The following CALN1 variants were observed in gnomAD, a reference collection of about 807,000 sequenced individuals.
The protein encoded by CALN1 is calcium-binding protein 8.
A neutral mutation model predicts 30.6 loss-of-function variants in CALN1; 17 were observed. The ratio of observed to expected loss-of-function variants is 0.56; its 90% CI spans 0.38 to 0.83. The LOEUF is 0.83. Ranked by LOEUF, CALN1 falls within the 40% of genes least tolerant of loss-of-function variation. The pLI, the probability that CALN1 is intolerant of heterozygous loss-of-function variation, is 0.00. For missense variants in CALN1, 291 were observed against 354.9 expected, an observed-to-expected ratio of 0.82 and a Z score of 1.45; for synonymous variants, 156 against 131.4, an observed-to-expected ratio of 1.19 and a Z score of -1.28.
intron 2 of CALN1, among the ~76,000 whole-genome samples, chr7:72,319,558 C>T (rs1800726654): frequency 6.6e-6 from 1 of 152,102 alleles, no homozygotes; most frequent in African/African-American, 2.4e-5. Context: ...TATACACATA[C>T]ACACAATGGA....
chr7:71,862,578 G>C (rs911893630), intron 5 of CALN1, among the ~76,000 whole-genome samples: 3 of 152,120 alleles, frequency 2.0e-5, no homozygotes, highest in Non-Finnish European at 2.9e-5. Context: ...TTTCTTTTAT[G>C]AATTACCCAG....
chr7:71,824,159 G>A (rs1248234102), intron 5 of CALN1, among the ~76,000 whole-genome samples: 4 of 152,086 alleles, frequency 2.6e-5, no homozygotes, highest in Admixed American at 1.3e-4. Context: ...CAGGTGCCAG[G>A]CCTCTCTGTT....
chr7:71,838,141 A>G (rs186368281), intron 5 of CALN1, among the ~76,000 whole-genome samples: 1 of 152,326 alleles, frequency 6.6e-6, no homozygotes, highest in Admixed American at 6.5e-5. Flanking sequence ...TCCAGGAAGT[A>G]AAGTGCTCTT....
intron 5 of CALN1, among the ~76,000 whole-genome samples, chr7:71,910,599 C>G (rs1794376530): frequency 6.6e-6 from 1 of 152,146 alleles, no homozygotes; most frequent in Non-Finnish European, 1.5e-5. Context: ...AAGAAACTCA[C>G]TGAGTCTAGA....
intron 5 of CALN1, among the ~76,000 whole-genome samples, chr7:71,852,306 ATGTT>A (rs1011907290): frequency 6.6e-6 from 1 of 152,014 alleles, no homozygotes; most frequent in Non-Finnish European, 1.5e-5. Context: ...TAGGAGAAGA[ATGTT>A]TGGGTTAAAG....
intron 6 of CALN1, among the ~76,000 whole-genome samples, chr7:71,801,428 G>GTATGTATGTATGTATCTATC (rs1461292230): frequency 2.3e-4 from 20 of 87,724 alleles, no homozygotes; most frequent in Non-Finnish European, 2.7e-4. Context: ...ATGTATGTAT[G>GTATGTATGTATGTATCTATC]TATCTATCTA....
the CALN1 span, among the ~76,000 whole-genome samples, chr7:72,474,944 C>T: frequency 6.6e-6 from 1 of 152,270 alleles, no homozygotes; most frequent in South Asian, 2.1e-4. Context: ...TGGATTACTT[C>T]TGTGCTTACT....
intron 3 of CALN1, among the ~76,000 whole-genome samples, chr7:72,229,388 G>A (rs1030010428): frequency 2.6e-5 from 4 of 151,980 alleles, no homozygotes; most frequent in African/African-American, 9.7e-5. Flanking sequence ...GGAGGCTGAG[G>A]CAAGAGGATC....
At chr7:72,164,346 C>T (rs1382183801) in intron 3 of CALN1, among the ~76,000 whole-genome samples, 3 of 93,150 alleles carry the variant, frequency 3.2e-5, no homozygotes, top group East Asian at 9.2e-4. Flanking sequence ...AGCAACACTC[C>T]GTCAAAAAAA....
intron 5 of CALN1, among the ~76,000 whole-genome samples, chr7:71,896,639 T>G (rs184783260): frequency 1.5e-4 from 23 of 151,996 alleles, no homozygotes; most frequent in Admixed American, 1.4e-3. Context: ...CTCTTGAGTA[T>G]GAAAGGAAGG....
At chr7:72,005,398 G>C (rs2867565) in intron 5 of CALN1, among the ~76,000 whole-genome samples, 19,241 of 152,062 alleles carry the variant, frequency 0.13, 1,733 homozygotes, top group East Asian at 0.37. Flanking sequence ...GCGTGATCAC[G>C]GCTCACTACA....
intron 3 of CALN1, among the ~76,000 whole-genome samples, 197 bp from the exon 4 acceptor site, chr7:72,106,491 AGGAAAT>A: frequency 6.6e-6 from 1 of 151,494 alleles, no homozygotes; most frequent in Non-Finnish European, 1.5e-5. Flanking sequence ...AAGAGAAAAA[AGGAAAT>A]GGAAGGGAGA....
the CALN1 span, among the ~76,000 whole-genome samples, chr7:72,475,407 C>T: frequency 4.6e-5 from 7 of 152,024 alleles, no homozygotes; most frequent in East Asian, 1.9e-4. Context: ...TGCAGTGAGC[C>T]GAGATCGCGC....
At chr7:72,172,220 CCT>C (rs1404717023) in intron 3 of CALN1, among the ~76,000 whole-genome samples, 3 of 152,192 alleles carry the variant, frequency 2.0e-5, no homozygotes, top group Non-Finnish European at 4.4e-5. Context: ...TCCCTGTCCA[CCT>C]CTTAGTTTTT....
At chr7:71,975,762 C>T (rs149164232) in intron 5 of CALN1, among the ~76,000 whole-genome samples, 228 of 151,460 alleles carry the variant, frequency 1.5e-3, no homozygotes, top group African/African-American at 4.7e-3. Flanking sequence ...TGAGATCACA[C>T]CAATAATTAT....
chr7:72,397,649 T>C (rs763749095), intron 2 of CALN1, among the ~76,000 whole-genome samples: 5 of 151,532 alleles, frequency 3.3e-5, no homozygotes, highest in African/African-American at 7.3e-5. Flanking sequence ...GGTCTACCAG[T>C]AGCCTCTTCA....
intron 3 of CALN1, among the ~76,000 whole-genome samples, chr7:72,116,486 C>T (rs1807992155): frequency 6.6e-6 from 1 of 152,136 alleles, no homozygotes; most frequent in Non-Finnish European, 1.5e-5. Flanking sequence ...GAGGCTGAGG[C>T]TTGGAGGAAG....
intron 3 of CALN1, among the ~76,000 whole-genome samples, chr7:72,277,734 T>C (rs940281882): frequency 6.6e-6 from 1 of 152,164 alleles, no homozygotes; most frequent in Non-Finnish European, 1.5e-5. Context: ...CCAAATGTCC[T>C]CCATCTTCCT....
chr7:72,056,160 C>T (rs1803246036), intron 4 of CALN1, among the ~76,000 whole-genome samples: 1 of 149,506 alleles, frequency 6.7e-6, no homozygotes, highest in African/African-American at 2.5e-5. Flanking sequence ...TTTTATACTT[C>T]TTAAATGAAT....
Sources: allele counts gnomAD v4.1 joint callset (sites outside exome capture counted in the v4.1 genomes callset), GRCh38; gene constraint gnomAD v4.1.1; transcripts MANE v1.5; gene names NCBI Gene and HGNC (gene_info 2026-07-23, HGNC 2026-07-21).